Variants in NLGN1 observed in about 807,000 individuals in gnomAD.
NLGN1 encodes neuroligin 1, also known as neuroligin-1.
Under a neutral mutation model 65.5 loss-of-function variants are expected in NLGN1, and 12 were observed. The ratio of observed to expected loss-of-function variants is 0.18; its 90% confidence interval spans 0.12 to 0.30. NLGN1 has a LOEUF of 0.30. Among genes scored for constraint, NLGN1 ranks in the 10% least tolerant of loss-of-function variants. The probability of loss-of-function intolerance (pLI) is 1.00; values close to 1 mark genes in which losing one functional copy is unlikely to be tolerated. For synonymous variants in NLGN1, 350 were observed against 359.5 expected (o/e 0.97, Z 0.30); for missense variants, 750 against 1,007.1 (o/e 0.74, Z 3.46).
intron 4 of NLGN1, among the ~76,000 whole-genome samples, chr3:173,955,234 A>G (rs556324677): frequency 6.6e-6 from 1 of 152,316 alleles, no homozygotes; most frequent in South Asian, 2.1e-4. Flanking sequence ...TAGGCCGTGC[A>G]AAAATAAGTC....
chr3:173,477,524 A>G (rs544025921), intron 2 of NLGN1, among the ~76,000 whole-genome samples: 1 of 152,318 alleles, frequency 6.6e-6, no homozygotes, highest in South Asian at 2.1e-4. Flanking sequence ...AAACTGCACG[A>G]AAGAGCAAGA....
intron 2 of NLGN1, among the ~76,000 whole-genome samples, chr3:173,525,350 T>G (rs1735469500): frequency 6.6e-6 from 1 of 151,924 alleles, no homozygotes; most frequent in South Asian, 2.1e-4. Flanking sequence ...TCTTGGGAGG[T>G]TTTATGTTTC....
intron 3 of NLGN1, among the ~76,000 whole-genome samples, chr3:173,711,397 C>A (rs1471326369): frequency 2.0e-5 from 3 of 152,124 alleles, no homozygotes; most frequent in East Asian, 1.9e-4. Context: ...ACAGAAGTCA[C>A]CAATGAAACA....
intron 4 of NLGN1, among the ~76,000 whole-genome samples, chr3:174,259,714 A>G (rs1224271374): frequency 6.6e-6 from 1 of 150,816 alleles, no homozygotes; most frequent in African/African-American, 2.4e-5. Flanking sequence ...TTTAGGTTTT[A>G]GGGTACATGT....
At chr3:173,905,417 A>C (rs1345610504) in intron 4 of NLGN1, among the ~76,000 whole-genome samples, 1 of 152,226 alleles carries the variant, frequency 6.6e-6, no homozygotes, top group South Asian at 2.1e-4. Context: ...TCAAGGCTTC[A>C]TGCTGGTTCA....
intron 4 of NLGN1, 137 bp downstream of exon 4, chr3:173,807,969 T>C: frequency 1.3e-6 from 1 of 778,484 alleles, no homozygotes; most frequent in Non-Finnish European, 2.1e-6. Flanking sequence ...CCAAATTTTT[T>C]ATAGTTTCAA....
intron 3 of NLGN1, among the ~76,000 whole-genome samples, chr3:173,657,078 A>G (rs1008492102): frequency 3.6e-4 from 54 of 152,090 alleles, no homozygotes; most frequent in African/African-American, 1.1e-3. Context: ...CAAGAAAAAC[A>G]TGTAGTTTTT....
intron 4 of NLGN1, among the ~76,000 whole-genome samples, chr3:173,933,723 A>G (rs765320487): frequency 6.6e-6 from 1 of 152,030 alleles, no homozygotes; most frequent in African/African-American, 2.4e-5. Flanking sequence ...CTGATATTTT[A>G]TTTACTTTCC....
At chr3:173,500,053 T>C (rs1576995534) in intron 2 of NLGN1, among the ~76,000 whole-genome samples, 2 of 152,284 alleles carry the variant, frequency 1.3e-5, no homozygotes, top group South Asian at 2.1e-4. Context: ...TTCCTTCTCC[T>C]GCCTGATTGC....
chr3:173,864,962 A>G (rs1293249820), intron 4 of NLGN1, among the ~76,000 whole-genome samples: 1 of 152,178 alleles, frequency 6.6e-6, no homozygotes, highest in Non-Finnish European at 1.5e-5. Context: ...CCTTGCCATC[A>G]ATTTCTGCTG....
At chr3:173,424,484 C>T (rs1370860413) in intron 1 of NLGN1, among the ~76,000 whole-genome samples, 1 of 152,206 alleles carries the variant, frequency 6.6e-6, no homozygotes, top group African/African-American at 2.4e-5. Flanking sequence ...TTCAAACCAT[C>T]TCTTTGTGAT....
At chr3:173,692,135 T>A (rs1043077705) in intron 3 of NLGN1, among the ~76,000 whole-genome samples, 1 of 152,148 alleles carries the variant, frequency 6.6e-6, no homozygotes. Context: ...ATTATAATTC[T>A]CTTTTCATTT....
chr3:173,858,967 C>T (rs531137547), intron 4 of NLGN1, among the ~76,000 whole-genome samples: 1 of 152,110 alleles, frequency 6.6e-6, no homozygotes, highest in Non-Finnish European at 1.5e-5. Context: ...ATAAAACTTT[C>T]TAAGCTTTTG....
chr3:174,270,031 G>A lies in NLGN1; in HGVS notation c.647-5284G>A, dbSNP rs990485615. Among the ~76,000 whole-genome samples the A allele has an allele frequency of 4.1e-5, 6 of 147,728 alleles. 1 individual carries two copies. The South Asian group carries it at 1.1e-3, about 26-fold the overall frequency. On this transcript the variant is annotated intron_variant, in intron 4 of 6. Transcript: ENST00000457714. ...TTTAATTAGGTTATTTGGGTTTTTT[G>A]TTGTTGTTGTTTAGTTGTAAAAATT...
chr3:173,790,158 ATGTGTGTATATATG>A (rs1712357356), intron 3 of NLGN1, among the ~76,000 whole-genome samples: 1 of 152,004 alleles, frequency 6.6e-6, no homozygotes, highest in African/African-American at 2.4e-5. Context: ...AAATATATAT[ATGTGTGTATATATG>A]TGTGTGTGTA....
chr3:174,288,983 C>A (rs1221001009), downstream of NLGN1, among the ~76,000 whole-genome samples: 1 of 151,380 alleles, frequency 6.6e-6, no homozygotes, highest in Non-Finnish European at 1.5e-5. Context: ...CTATTAAATT[C>A]TACCTCATTA....
chr3:174,056,653 T>A (rs1400318590), intron 4 of NLGN1, among the ~76,000 whole-genome samples: 1 of 151,960 alleles, frequency 6.6e-6, no homozygotes, highest in African/African-American at 2.4e-5. Flanking sequence ...AGGCCATTTA[T>A]TTTTTTATTT....
intron 4 of NLGN1, among the ~76,000 whole-genome samples, chr3:174,239,777 T>C (rs1239943476): frequency 1.3e-5 from 2 of 152,132 alleles, no homozygotes; most frequent in African/African-American, 2.4e-5. Flanking sequence ...CTTAGACAAA[T>C]TGACTGAGTA....
At chr3:174,198,838 T>C (rs1029031653) in intron 4 of NLGN1, among the ~76,000 whole-genome samples, 8 of 139,142 alleles carry the variant, frequency 5.7e-5, no homozygotes, top group Admixed American at 8.1e-5. Flanking sequence ...GCCTCATGAC[T>C]AGATTCTTTT....
Sources: gnomAD v4.1 joint callset for allele counts (sites outside exome capture counted in the v4.1 genomes callset) on GRCh38, gnomAD v4.1.1 for gene constraint, MANE v1.5 for transcripts, NCBI Gene and HGNC (gene_info 2026-07-23, HGNC 2026-07-21) for gene names.